The following PRPF40B variants were observed in gnomAD, a reference collection of about 807,000 sequenced individuals.
PRPF40B encodes the protein pre-mRNA-processing factor 40 homolog B.
In PRPF40B, 56 loss-of-function variants were observed where a neutral mutation model predicts 124.5. That is an observed-to-expected ratio of 0.45 (90% CI 0.36 to 0.56). The LOEUF is 0.56. Ranked by LOEUF, PRPF40B falls within the 20% of genes least tolerant of loss-of-function variation. The pLI is 0.00. For synonymous variants in PRPF40B, 443 were observed against 426.4 expected (o/e 1.04, Z -0.48); for missense variants, 1,053 against 1,169.5 (o/e 0.90, Z 1.45).
chr12:49,624,174 A>G (rs977087259), intron 1 of PRPF40B: 66 of 985,266 alleles, frequency 6.7e-5, no homozygotes, highest in Non-Finnish European at 7.8e-5. Flanking sequence ...ACCTTGGGCA[A>G]GTCACTACCT....
In PRPF40B at chr12:49,633,102, G is replaced by C; in HGVS notation, c.437G>C (p.Ser146Thr). 1 of 1,594,576 alleles carries C rather than the reference G, an allele frequency of 6.3e-7. No homozygotes were observed. The highest frequency in any genetic ancestry group is 1.1e-5 in the South Asian group (1 of 89,104). The part of the protein sequence containing the change: ...DDKQSVWEKP[S>T]VLKSKAELLL... ...AAGCAGTCCGTGTGGGAGAAGCCCA[G>C]CGTGCTCAAGTCCAAGGCAGAGGTC... The change falls in exon 7 of 26, where the codon AGC (serine) becomes ACC (threonine). Residue 146 changes from serine to threonine, a missense_variant. This residue lies in a region of PRPF40B where 895 missense variants were observed against 1,052.2 expected (regional missense o/e 0.85). Transcript: ENST00000548825.
In PRPF40B at chr12:49,643,389, T is replaced by C. The variant is rs149203454; in HGVS notation, c.2372T>C (p.Leu791Pro). ...GGRGSPSSHL[L>P]GADHGLRKAK... The stretch of plus-strand genomic sequence containing the variant: ...CGGGGCTCCCCTTCCTCCCATCTTC[T>C]TGGAGCAGGTAAGCAGTTGCTGTGA... Residue 791 changes from leucine to proline, a missense_variant, in exon 23 of 26, where the codon CTT (leucine) becomes CCT (proline). Leu to Pro is a moderately conservative substitution (Grantham distance 98, BLOSUM62 -3). Around this residue, in one of 2 missense-constraint regions of PRPF40B, gnomAD observed 895 missense variants for 1,052.2 expected, o/e 0.85. Coordinates refer to ENST00000548825, the MANE Select transcript of PRPF40B (RefSeq NM_001031698.3). The C allele has an allele frequency of 3.2e-6, 5 of 1,561,488 alleles. No homozygotes were observed. The African/African-American group carries it at 4.1e-5, about 13-fold the overall frequency.
At chr12:49,643,786 A>G (rs755024495) in intron 24 of PRPF40B, 34 bp downstream of exon 24, 1 of 1,613,664 alleles carries the variant, frequency 6.2e-7, no homozygotes, top group South Asian at 1.1e-5. Flanking sequence ...AGCCCCTGCT[A>G]TTTTGTGAGT....
chr12:49,635,881 C>T lies in PRPF40B; in HGVS notation c.1314C>T (p.Ala438=). 1.2e-6 allele frequency: 2 copies of T among 1,613,986 alleles called. No homozygotes were observed. Among genetic ancestry groups the T allele is most frequent in the Non-Finnish European group, 1.7e-6 (2 of 1,179,978 alleles). Residue 438 remains alanine, a synonymous_variant, in exon 15 of 26, where the codon GCC becomes GCT. Transcript: ENST00000548825. The surrounding 1 kb of genome is among the most constrained non-coding windows in gnomAD (Gnocchi z 4.1). ...AKQLRRRNIQ[A]LKSILDGMSS... Reference sequence around the variant, plus strand: ...AGCTCCGGCGCCGCAATATCCAGGCCCTAAAGAGCATCCTGGATGGGATGA... The same window carrying T: ...AGCTCCGGCGCCGCAATATCCAGGCTCTAAAGAGCATCCTGGATGGGATGA...
At position 49,642,284 on chromosome 12, in the gene PRPF40B, C is replaced by T; in HGVS notation, c.1934C>T (p.Ala645Val). The change falls in exon 20 of 26, where the codon GCA (alanine) becomes GTA (valine). Residue 645 changes from alanine (A) to valine (V), a missense_variant. Ala to Val is a moderately conservative substitution (Grantham distance 64). This residue lies in a region of PRPF40B where 895 missense variants were observed against 1,052.2 expected (regional missense o/e 0.85). Coordinates refer to ENST00000548825, the MANE Select transcript of PRPF40B (RefSeq NM_001031698.3). This position sits in a 1 kb window ranked among gnomAD's most constrained non-coding sequence, Gnocchi z 5.8. ...AREREREKEE[A>V]RRMRRREAAF... is the part of the protein sequence containing the mutation. ...GAGAGGGAGCGGGAGAAGGAGGAGG[C>T]ACGCAGGATGCGGCGCAGGGAAGCT... The T allele has an allele frequency of 6.2e-7, 1 of 1,614,226 alleles. No individual in the cohort carries two copies. Among genetic ancestry groups the T allele is most frequent in the Non-Finnish European group, 8.5e-7 (1 of 1,180,046 alleles).
At chr12:49,641,852 C>T in intron 18 of PRPF40B, 56 bp from the exon 19 acceptor site, 2 of 1,462,288 alleles carry the variant, frequency 1.4e-6, no homozygotes, top group Non-Finnish European at 1.9e-6. Context: ...ACTCTGCCTG[C>T]CAGCTTTGGC....
At chr12:49,623,512 C>G (rs1940386054), upstream of PRPF40B, 7 of 1,236,962 alleles carry the variant, frequency 5.7e-6, no homozygotes, top group East Asian at 2.2e-4. Context: ...GCCCCGCCCT[C>G]CCGGCTGCGG....
Position 49,635,788 on chromosome 12 carries a change from C to G in PRPF40B, c.1276-55C>G. The G allele has an allele frequency of 1.3e-6, 2 of 1,599,128 alleles. No individual in the cohort carries two copies. Among genetic ancestry groups the G allele is most frequent in the Non-Finnish European group, 1.7e-6 (2 of 1,170,660 alleles). The stretch of plus-strand genomic sequence containing the variant: ...TTCCCCAGGTCCTCCTCTGCCCAGG[C>G]CTACTTGGGTAGCTCTGGCCTGCCC... On this transcript the variant is annotated intron_variant, in intron 14 of 25. Transcript: ENST00000548825. This position sits in a 1 kb window ranked among gnomAD's most constrained non-coding sequence, Gnocchi z 4.1.
intron 1 of PRPF40B, among the ~76,000 whole-genome samples, chr12:49,628,287 GT>G (rs1940907853): frequency 6.6e-6 from 1 of 152,272 alleles, no homozygotes; most frequent in African/African-American, 2.4e-5. Flanking sequence ...TTTTGAGAGT[GT>G]CTCACTCTGT....
In PRPF40B at chr12:49,635,116, G is replaced by A; in HGVS notation, c.1019G>A (p.Ser340Asn). The A allele has an allele frequency of 1.2e-6, 2 of 1,613,280 alleles. No individual in the cohort carries two copies. The highest frequency in any genetic ancestry group is 3.3e-5 in the Admixed American group (2 of 59,974). The change falls in exon 13 of 26, where the codon AGT becomes AAT. Residue 340 changes from serine to asparagine, a missense_variant. By Grantham distance (46) the Ser-to-Asn change is conservative. This residue lies in a region of PRPF40B where 895 missense variants were observed against 1,052.2 expected (regional missense o/e 0.85). Coordinates refer to ENST00000548825, the MANE Select transcript of PRPF40B (RefSeq NM_001031698.3). This position sits in a 1 kb window ranked among gnomAD's most constrained non-coding sequence, Gnocchi z 4.1. Reference protein sequence around the residue: ...DPRYSALPKLSEKKQAFNAYK... With the variant: ...DPRYSALPKLNEKKQAFNAYK... The stretch of plus-strand genomic sequence containing the variant: ...TATCCCAGTGCCTTGCCTAAACTGA[G>A]TGAGAAAAAGCAGGCATTCAATGCC...
chr12:49,634,546 C>T lies in PRPF40B; in HGVS notation c.945C>T (p.Pro315=). ...FKELLRDKAV[P]SNASWEQAMK... ...CACCTGCTTCATTCCAGGCTGTCCCCTCCAATGCCTCATGGGAACAGGCCA... is the reference window on the plus strand; with the variant it reads ...CACCTGCTTCATTCCAGGCTGTCCCTTCCAATGCCTCATGGGAACAGGCCA... Residue 315 remains proline, a synonymous_variant, in exon 12 of 26, where the codon CCC becomes CCT. Transcript: ENST00000548825. 2 of 1,614,230 alleles carry T rather than the reference C, an allele frequency of 1.2e-6. No individual in the cohort carries two copies. The highest frequency in any genetic ancestry group is 1.7e-6 in the Non-Finnish European group (2 of 1,180,032).
intron 4 of PRPF40B, 78 bp downstream of exon 4, chr12:49,632,003 C>T: frequency 7.2e-7 from 1 of 1,390,752 alleles, no homozygotes; most frequent in South Asian, 1.2e-5. Context: ...GGACTATGAC[C>T]TCCATTCTTT....
At chr12:49,624,409 C>T (rs1044490004) in intron 1 of PRPF40B, among the ~76,000 whole-genome samples, 1 of 151,938 alleles carries the variant, frequency 6.6e-6, no homozygotes, top group South Asian at 2.1e-4. Flanking sequence ...GAAAGCCTGC[C>T]GGGCTGGGGC....
chr12:49,634,182 G>A, intron 10 of PRPF40B, 90 bp downstream of exon 10: 4 of 1,574,584 alleles, frequency 2.5e-6, no homozygotes, highest in South Asian at 1.2e-5. Flanking sequence ...TCTCTCTCAG[G>A]AGGGGTTTGA....
intron 9 of PRPF40B, 70 bp downstream of exon 9, chr12:49,633,731 T>C: frequency 1.2e-6 from 2 of 1,611,222 alleles, no homozygotes; most frequent in Non-Finnish European, 1.7e-6. Flanking sequence ...TCTGTCGCCA[T>C]GATCTCTACA....
chr12:49,642,970 G>A lies in PRPF40B; in HGVS notation c.2159G>A (p.Gly720Asp), dbSNP rs1261520211. 1.2e-6 allele frequency: 2 copies of A among 1,613,852 alleles called. No individual in the cohort carries two copies. The highest frequency in any genetic ancestry group is 3.3e-5 in the Admixed American group (2 of 59,984). ...CTCCACACCAAAGGCCGAAAGCATG[G>A]CAGGAAAGGCAAGAAGCACCATCAC... Reference protein sequence around the residue: ...QHLHTKGRKHGRKGKKHHHKR... With the variant: ...QHLHTKGRKHDRKGKKHHHKR... The change falls in exon 22 of 26, where the codon GGC becomes GAC. Residue 720 changes from glycine (G) to aspartate (D), a missense_variant. Coordinates refer to ENST00000548825, the MANE Select transcript of PRPF40B (RefSeq NM_001031698.3). This position sits in a 1 kb window ranked among gnomAD's most constrained non-coding sequence, Gnocchi z 5.8.
intron 1 of PRPF40B, among the ~76,000 whole-genome samples, chr12:49,626,733 G>A (rs1057491585): frequency 1.6e-4 from 25 of 152,216 alleles, no homozygotes; most frequent in Admixed American, 1.2e-3. Flanking sequence ...TCAATAAAAC[G>A]TTGAATCATT....
chr12:49,633,763 C>G (rs187093840), intron 9 of PRPF40B, 102 bp downstream of exon 9: 408 of 1,606,144 alleles, frequency 2.5e-4, no homozygotes, highest in Admixed American at 8.1e-4. Flanking sequence ...AGAGCCAGCT[C>G]TGTCTCCTTG....
intron 23 of PRPF40B, 127 bp downstream of exon 23, chr12:49,643,524 G>A: frequency 7.2e-7 from 1 of 1,384,020 alleles, no homozygotes; most frequent in African/African-American, 1.5e-5. Context: ...GAAGTAGAAA[G>A]AACTTCCTCT....
Sources: gnomAD v4.1 joint callset for allele counts (sites outside exome capture counted in the v4.1 genomes callset) on GRCh38, gnomAD v4.1.1 for gene constraint, gnomAD v4.1.1 regional missense constraint, Gnocchi (gnomAD v3.1) non-coding constraint, MANE v1.5 for transcripts, NCBI Gene and HGNC (gene_info 2026-07-23, HGNC 2026-07-21) for gene names.